Variants in MIA2 observed in about 807,000 individuals in gnomAD.
MIA2 encodes the protein MIA SH3 domain ER export factor 2, also known as melanoma inhibitory activity protein 2.
In MIA2, 127 loss-of-function variants were observed where a neutral mutation model predicts 167.8. The ratio of observed to expected loss-of-function variants is 0.76; its 90% CI spans 0.66 to 0.88. MIA2 has a LOEUF of 0.88. MIA2 is among the 40% of genes least tolerant of loss of function. The pLI is 0.00. For missense variants in MIA2, 1,690 were observed against 1,624.7 expected (o/e 1.04, Z -0.69); for synonymous variants, 552 against 541.9 (o/e 1.02, Z -0.26).
chr14:39,381,032 A>G (rs113021625), intron 23 of MIA2, among the ~76,000 whole-genome samples: 1 of 151,986 alleles, frequency 6.6e-6, no homozygotes, highest in Non-Finnish European at 1.5e-5. Context: ...CAAAAAAAAA[A>G]AAAACAAAGG....
At chr14:39,370,633 T>C (rs907484034) in intron 23 of MIA2, 21 of 326,806 alleles carry the variant, frequency 6.4e-5, no homozygotes, top group African/African-American at 4.6e-4. Flanking sequence ...CACCAGCGCC[T>C]CTCTGCTGCC....
At chr14:39,307,141 G>T (rs1375913154) in intron 17 of MIA2, among the ~76,000 whole-genome samples, 2 of 151,994 alleles carry the variant, frequency 1.3e-5, no homozygotes, top group Non-Finnish European at 2.9e-5. Flanking sequence ...TAGCTTAAAA[G>T]GGAGGGCTAG....
intron 17 of MIA2, among the ~76,000 whole-genome samples, chr14:39,306,770 G>C (rs562725482): frequency 1.5e-4 from 23 of 152,198 alleles, no homozygotes; most frequent in African/African-American, 5.3e-4. Context: ...TCATATACAC[G>C]TTACAGGAGA....
At chr14:39,348,668 T>A in intron 27 of MIA2, 75 bp from the exon 28 acceptor site, 1 of 1,571,470 alleles carries the variant, frequency 6.4e-7, no homozygotes, top group Admixed American at 1.7e-5. Flanking sequence ...GATGATTTCT[T>A]CTAAGCCTGA....
At chr14:39,386,392 A>G (rs1392340236) in intron 23 of MIA2, 3 of 1,552,586 alleles carry the variant, frequency 1.9e-6, no homozygotes, top group Admixed American at 3.3e-5. Context: ...AAACGCTTAC[A>G]CTACGTTTCC....
chr14:39,310,382 G>T (rs2064036780), intron 18 of MIA2, among the ~76,000 whole-genome samples: 1 of 152,138 alleles, frequency 6.6e-6, no homozygotes, highest in Non-Finnish European at 1.5e-5. Flanking sequence ...GCTGTGATAT[G>T]TGTTATGGAG....
chr14:39,314,610 GTTTT>G (rs55732496), intron 19 of MIA2, 125 bp from the exon 20 acceptor site: 162 of 189,860 alleles, frequency 8.5e-4, no homozygotes, highest in East Asian at 1.4e-3. Context: ...GAGTTCTGGA[GTTTT>G]TTTTTTTTTT....
At chr14:39,299,303 TTC>T (rs1174532015) in intron 13 of MIA2, among the ~76,000 whole-genome samples, 1 of 102,396 alleles carries the variant, frequency 9.8e-6, no homozygotes, top group African/African-American at 3.5e-5. Context: ...TTAATGGTAT[TTC>T]TTTTTTTTTT....
At chr14:39,319,010 T>C (rs1458077127) in intron 22 of MIA2, among the ~76,000 whole-genome samples, 199 bp from the exon 23 acceptor site, 1 of 152,092 alleles carries the variant, frequency 6.6e-6, no homozygotes, top group Non-Finnish European at 1.5e-5. Flanking sequence ...TCACTATCTC[T>C]AGGGCAGCAA....
intron 13 of MIA2, 73 bp downstream of exon 13, chr14:39,295,102 C>T (rs2061247329): frequency 3.9e-6 from 4 of 1,029,890 alleles, no homozygotes; most frequent in East Asian, 2.4e-5. Flanking sequence ...TCATGACTGA[C>T]CCATGCTAGG....
chr14:39,373,721 T>A (rs865788982), intron 23 of MIA2, among the ~76,000 whole-genome samples: 17 of 152,098 alleles, frequency 1.1e-4, no homozygotes, highest in African/African-American at 4.1e-4. Context: ...CTTGGGAGGC[T>A]GAGGCATGAG....
At chr14:39,250,462 G>A (rs752777180) in intron 4 of MIA2, among the ~76,000 whole-genome samples, 10 of 151,888 alleles carry the variant, frequency 6.6e-5, no homozygotes, top group Non-Finnish European at 1.3e-4. Flanking sequence ...TTGAGAGGCC[G>A]AGGCAGGCAG....
chr14:39,299,922 T>G lies in MIA2; in HGVS notation c.2555T>G (p.Val852Gly). The G allele has an allele frequency of 1.2e-6, 2 of 1,609,940 alleles. No individual in the cohort carries two copies. Among genetic ancestry groups the G allele is most frequent in the Non-Finnish European group, 8.5e-7 (1 of 1,178,838 alleles). ...EQVSELNKQK[V>G]TFEDSKVHAE... ...GTGAGTGAACTTAATAAACAGAAAGTAACATTTGAAGACTCCAAAGTACAT... is the reference window on the plus strand; with the variant it reads ...GTGAGTGAACTTAATAAACAGAAAGGAACATTTGAAGACTCCAAAGTACAT... Residue 852 changes from valine to glycine, a missense_variant, in exon 14 of 29, where the codon GTA becomes GGA. By Grantham distance (109) the Val-to-Gly change is moderately radical (BLOSUM62 -3). Coordinates refer to ENST00000640607, the MANE Select transcript of MIA2 (RefSeq NM_001329214.4).
intron 23 of MIA2, chr14:39,386,300 A>G: frequency 6.7e-7 from 1 of 1,484,132 alleles, no homozygotes; most frequent in Non-Finnish European, 9.4e-7. Flanking sequence ...TCTGGCCTCC[A>G]AAGTGACTGT....
At chr14:39,361,005 C>A (rs971913732) in intron 23 of MIA2, among the ~76,000 whole-genome samples, 1 of 152,180 alleles carries the variant, frequency 6.6e-6, no homozygotes, top group African/African-American at 2.4e-5. Context: ...TTTTATTGGT[C>A]TGTGTGTCTA....
intron 4 of MIA2, among the ~76,000 whole-genome samples, chr14:39,251,537 TAATC>T (rs974465721): frequency 6.6e-6 from 1 of 152,244 alleles, no homozygotes; most frequent in African/African-American, 2.4e-5. Context: ...TATTTTAAAA[TAATC>T]AATATAGCTA....
At chr14:39,282,015 T>C (rs944839640) in intron 9 of MIA2, among the ~76,000 whole-genome samples, 1 of 152,236 alleles carries the variant, frequency 6.6e-6, no homozygotes, top group Non-Finnish European at 1.5e-5. Context: ...TTTTAATGAC[T>C]ACTGCATTAT....
In MIA2 at chr14:39,233,992, C is replaced by T; in HGVS notation, c.-123C>T. 1.9e-6 allele frequency: 1 copy of T among 515,788 alleles called. No individual in the cohort carries two copies. The highest frequency in any genetic ancestry group is 3.4e-6 in the Non-Finnish European group (1 of 293,136). The allele number at this position is 515,788 out of a possible 1,614,324, so 32.0% of individuals were successfully genotyped here. The stretch of plus-strand genomic sequence containing the variant: ...GGTAGTTATCAAGAGATTTTTAAAA[C>T]TTCAACCCTTTTTCTCTTATAGTTA... On this transcript the variant is annotated 5_prime_UTR_variant, in exon 1 of 29. Transcript: ENST00000640607.
At chr14:39,236,803 T>C (rs991549471) in intron 1 of MIA2, 119 bp from the exon 2 acceptor site, 2 of 974,144 alleles carry the variant, frequency 2.1e-6, no homozygotes, top group South Asian at 1.8e-5. Context: ...AGGCCATAAA[T>C]GATATAAAGA....
Sources: gnomAD v4.1 joint callset for allele counts (sites outside exome capture counted in the v4.1 genomes callset) on GRCh38, gnomAD v4.1.1 for gene constraint, MANE v1.5 for transcripts, NCBI Gene and HGNC (gene_info 2026-07-23, HGNC 2026-07-21) for gene names.